The following TRPM3 variants were observed in gnomAD, a reference collection of about 807,000 sequenced individuals.
TRPM3 encodes long transient receptor potential channel 3.
TRPM3 carries 77 observed loss-of-function variants against 181.2 expected under a neutral mutation model. The ratio of observed to expected loss-of-function variants is 0.42; its 90% CI spans 0.35 to 0.51. The LOEUF (loss-of-function observed/expected upper bound fraction) is 0.51, where lower values mean the gene tolerates loss of function less well. TRPM3 is among the 20% of genes least tolerant of loss of function. The probability of loss-of-function intolerance (pLI) is 0.01; values close to 1 mark genes in which losing one functional copy is unlikely to be tolerated. For missense variants in TRPM3, 1,759 were observed against 2,196.7 expected, an observed-to-expected ratio of 0.80 and a Z score of 3.98; for synonymous variants, 745 against 796.4, an observed-to-expected ratio of 0.94 and a Z score of 1.09.
intron 1 of TRPM3, among the ~76,000 whole-genome samples, chr9:70,974,767 G>T (rs779260578): frequency 1.3e-5 from 2 of 149,558 alleles, no homozygotes; most frequent in Non-Finnish European, 3.0e-5. Flanking sequence ...ACTTATTCAA[G>T]GACAAAATTT....
intron 1 of TRPM3, among the ~76,000 whole-genome samples, chr9:71,093,328 C>A (rs1052847721): frequency 2.0e-5 from 3 of 152,054 alleles, no homozygotes; most frequent in Non-Finnish European, 4.4e-5. Context: ...TTTTTACAAT[C>A]TACCCATTAG....
intron 9 of TRPM3, among the ~76,000 whole-genome samples, chr9:70,671,460 G>A (rs1450461222): frequency 6.6e-6 from 1 of 152,074 alleles, no homozygotes; most frequent in Non-Finnish European, 1.5e-5. Context: ...TGTTAAAAAT[G>A]TAATCTCTTC....
intron 1 of TRPM3, among the ~76,000 whole-genome samples, chr9:71,417,738 C>G (rs1295864626): frequency 1.3e-5 from 2 of 151,912 alleles, no homozygotes; most frequent in Non-Finnish European, 2.9e-5. Context: ...GACTTCTAAA[C>G]TAGAAATACT....
intron 1 of TRPM3, among the ~76,000 whole-genome samples, chr9:70,918,533 G>T (rs2096624036): frequency 6.6e-6 from 1 of 152,038 alleles, no homozygotes; most frequent in East Asian, 1.9e-4. Context: ...GGTCAATGAA[G>T]AAATTAAGAA....
chr9:71,396,234 C>G (rs1359362393), intron 1 of TRPM3, among the ~76,000 whole-genome samples: 1 of 149,696 alleles, frequency 6.7e-6, no homozygotes, highest in Non-Finnish European at 1.5e-5. Context: ...AAACTGCTTT[C>G]AAGAACTACT....
At chr9:71,421,539 C>T (rs116212191) in intron 1 of TRPM3, among the ~76,000 whole-genome samples, 1 of 151,914 alleles carries the variant, frequency 6.6e-6, no homozygotes, top group African/African-American at 2.4e-5. Context: ...GAGGAATCCA[C>T]ACAACAAACC....
At chr9:70,942,232 G>A (rs1341945064) in intron 1 of TRPM3, among the ~76,000 whole-genome samples, 1 of 151,930 alleles carries the variant, frequency 6.6e-6, no homozygotes. Context: ...TTCTTTTTAG[G>A]GCTAACCTTA....
chr9:70,928,399 T>G (rs112361576), intron 1 of TRPM3, among the ~76,000 whole-genome samples: 26 of 152,342 alleles, frequency 1.7e-4, no homozygotes, highest in African/African-American at 6.0e-4. Context: ...TCAGATTTTA[T>G]ACAGGTGATC....
intron 1 of TRPM3, among the ~76,000 whole-genome samples, chr9:71,289,048 G>GTAA (rs369075516): frequency 2.5e-3 from 378 of 152,162 alleles, no homozygotes; most frequent in African/African-American, 8.6e-3. Flanking sequence ...TTTTAAAGAT[G>GTAA]TAATGGACGT....
At chr9:71,023,283 A>G (rs1211377202) in intron 1 of TRPM3, among the ~76,000 whole-genome samples, 2 of 152,210 alleles carry the variant, frequency 1.3e-5, no homozygotes, top group Admixed American at 1.3e-4. Flanking sequence ...TAAAACCACA[A>G]TGAGCTGTCA....
chr9:70,920,113 AT>A (rs1464411903), intron 1 of TRPM3, among the ~76,000 whole-genome samples: 1 of 152,258 alleles, frequency 6.6e-6, no homozygotes, highest in African/African-American at 2.4e-5. Context: ...AATGTTCAGT[AT>A]TTTATGATTA....
At chr9:70,567,866 T>C (rs1200432106) in intron 22 of TRPM3, among the ~76,000 whole-genome samples, 1 of 152,062 alleles carries the variant, frequency 6.6e-6, no homozygotes, top group Non-Finnish European at 1.5e-5. Flanking sequence ...AACTATTTAG[T>C]AAAAAGGGGA....
At chr9:70,956,296 CTTTTTTTTT>C (rs537484746) in intron 1 of TRPM3, among the ~76,000 whole-genome samples, 15 of 97,150 alleles carry the variant, frequency 1.5e-4, no homozygotes, top group African/African-American at 3.6e-4. Flanking sequence ...AGAAATACAC[CTTTTTTTTT>C]TTTTTTTTTT....
chr9:71,127,717 C>G (rs577796366), intron 1 of TRPM3, among the ~76,000 whole-genome samples: 1 of 152,162 alleles, frequency 6.6e-6, no homozygotes, highest in East Asian at 1.9e-4. Context: ...ATCTTGTTCA[C>G]GGATACCACT....
chr9:71,192,727 T>C (rs1376346531), intron 1 of TRPM3, among the ~76,000 whole-genome samples: 2 of 151,968 alleles, frequency 1.3e-5, no homozygotes, highest in Non-Finnish European at 2.9e-5. Context: ...CTGTTGATTG[T>C]TTCTTTTGCT....
intron 1 of TRPM3, among the ~76,000 whole-genome samples, chr9:71,072,147 A>C (rs775816294): frequency 1.3e-5 from 2 of 152,180 alleles, no homozygotes; most frequent in Non-Finnish European, 2.9e-5. Context: ...GGAAAGCCCA[A>C]ACATTTCAGA....
chr9:70,929,459 C>A (rs1346734622), intron 1 of TRPM3, among the ~76,000 whole-genome samples: 1 of 152,146 alleles, frequency 6.6e-6, no homozygotes, highest in African/African-American at 2.4e-5. Flanking sequence ...ACCTCGGCCT[C>A]CCAAAGTGCT....
chr9:71,429,852 T>G (rs2093929853), intron 1 of TRPM3, among the ~76,000 whole-genome samples: 1 of 152,196 alleles, frequency 6.6e-6, no homozygotes, highest in Non-Finnish European at 1.5e-5. Flanking sequence ...GCTGCCTTCT[T>G]GTTCCTCAAA....
At chr9:70,767,607 A>C (rs2079403381) in intron 7 of TRPM3, among the ~76,000 whole-genome samples, 1 of 152,180 alleles carries the variant, frequency 6.6e-6, no homozygotes, top group South Asian at 2.1e-4. Context: ...AATAGCTGGA[A>C]TGGCTGATGA....
Sources: gnomAD v4.1 joint callset for allele counts (sites outside exome capture counted in the v4.1 genomes callset) on GRCh38, gnomAD v4.1.1 for gene constraint, MANE v1.5 for transcripts, NCBI Gene and HGNC (gene_info 2026-07-23, HGNC 2026-07-21) for gene names.